The following CGNL1 variants were observed in gnomAD, a reference collection of about 807,000 sequenced individuals.
The protein encoded by CGNL1 is cingulin like 1.
CGNL1 carries 132 observed loss-of-function variants against 141.2 expected under a neutral mutation model. The observed-to-expected ratio is 0.93, with a 90% CI of 0.81 to 1.08. The LOEUF is 1.08. Ranked by LOEUF, CGNL1 falls within the 50% of genes least tolerant of loss-of-function variation. The pLI is 0.00. For missense variants in CGNL1, 1,870 were observed against 1,588.6 expected (o/e 1.18, Z -3.01); for synonymous variants, 690 against 622.1 (o/e 1.11, Z -1.63).
At position 57,439,525 on chromosome 15, in the gene CGNL1, G is replaced by C. The variant is rs763750155; in HGVS notation, c.1526G>C (p.Arg509Pro). The C allele has an allele frequency of 8.7e-6, 14 of 1,614,170 alleles. No homozygotes were observed. In the East Asian group the frequency reaches 1.1e-4, roughly 13 times the overall value. The change falls in exon 2 of 19, where the codon CGG becomes CCG. Residue 509 changes from arginine to proline, a missense_variant. Transcript: ENST00000281282. ...ACCGCTACGCTGATGTTACAGAACC[G>C]GGCAACAGCAACTTCGCCTGATTCT... is the stretch of plus-strand genomic sequence containing the variant. ...TATATLMLQN[R>P]ATATSPDSGA...
At position 57,426,880 on chromosome 15, in the gene CGNL1, G is replaced by T. The variant is rs6493929; in HGVS notation, c.-15-11105G>T. Reference sequence around the variant, plus strand: ...CCACATATAATTTGAGGCTAACAGAGCCATCTATATAGATCTGTGATGCCA... The same window carrying T: ...CCACATATAATTTGAGGCTAACAGATCCATCTATATAGATCTGTGATGCCA... On this transcript the variant is annotated intron_variant, in intron 1 of 18. Coordinates refer to ENST00000281282, the MANE Select transcript of CGNL1 (RefSeq NM_032866.5). Among the ~76,000 whole-genome samples, 3 of 152,120 alleles carry T rather than the reference G, an allele frequency of 2.0e-5. No individual in the cohort carries two copies. The East Asian group carries it at 5.8e-4, about 29-fold the overall frequency.
At chr15:57,466,734 A>G (rs2063515663) in intron 8 of CGNL1, among the ~76,000 whole-genome samples, 1 of 152,224 alleles carries the variant, frequency 6.6e-6, no homozygotes, top group Non-Finnish European at 1.5e-5. Flanking sequence ...ACCAACCATT[A>G]GACTGTTTTG....
chr15:57,435,668 A>G (rs1160748661), intron 1 of CGNL1, among the ~76,000 whole-genome samples: 1 of 152,110 alleles, frequency 6.6e-6, no homozygotes, highest in African/African-American at 2.4e-5. Context: ...TTGAGATTTA[A>G]AAGAATTATC....
chr15:57,437,949 C>T, intron 1 of CGNL1, 36 bp from the exon 2 acceptor site: 1 of 1,530,584 alleles, frequency 6.5e-7, no homozygotes, highest in Non-Finnish European at 8.8e-7. Context: ...TAATTCTAAC[C>T]TAATGTCCTC....
intron 13 of CGNL1, among the ~76,000 whole-genome samples, chr15:57,530,795 A>G (rs1487790236): frequency 6.6e-6 from 1 of 152,212 alleles, no homozygotes; most frequent in Non-Finnish European, 1.5e-5. Flanking sequence ...ATTGTGATAA[A>G]TAGAATAATA....
chr15:57,425,660 G>C (rs539046896), intron 1 of CGNL1, among the ~76,000 whole-genome samples: 1 of 149,530 alleles, frequency 6.7e-6, no homozygotes, highest in Non-Finnish European at 1.5e-5. Context: ...AGAATCGCTT[G>C]AACCTGGGAG....
At chr15:57,481,078 T>C (rs1166561097) in intron 8 of CGNL1, among the ~76,000 whole-genome samples, 2 of 151,164 alleles carry the variant, frequency 1.3e-5, no homozygotes, top group Non-Finnish European at 3.0e-5. Context: ...TTTTTTTTTT[T>C]TTTTTTTTAA....
chr15:57,509,275 A>G (rs189842182), intron 8 of CGNL1, among the ~76,000 whole-genome samples: 2 of 152,338 alleles, frequency 1.3e-5, no homozygotes, highest in East Asian at 3.9e-4. Flanking sequence ...AACTGACACC[A>G]ACATTCCATT....
intron 12 of CGNL1, among the ~76,000 whole-genome samples, chr15:57,528,295 A>G (rs1408011330): frequency 2.0e-5 from 3 of 152,156 alleles, no homozygotes; most frequent in Non-Finnish European, 2.9e-5. Flanking sequence ...CTTGCAACCC[A>G]GGAATACACG....
At chr15:57,530,743 G>T (rs566793928) in intron 13 of CGNL1, among the ~76,000 whole-genome samples, 30 of 152,144 alleles carry the variant, frequency 2.0e-4, no homozygotes, top group Non-Finnish European at 1.8e-4. Flanking sequence ...CCTGGGGGCC[G>T]TTCACAGACA....
rs750248059 is a variant in CGNL1 at position 57,516,992 on chromosome 15, G to T, written c.2610+6G>T. ...AAACGCTGAAGAAGTACGAGGTGAG[G>T]CTCGCTGGGCCCAGGCCCAGCTTTG... On this transcript the variant is annotated splice_donor_region_variant and intron_variant, in intron 9 of 18. Transcript: ENST00000281282. 1.9e-6 allele frequency: 3 copies of T among 1,610,708 alleles called. No homozygotes were observed. Among genetic ancestry groups the T allele is most frequent in the South Asian group, 1.1e-5 (1 of 90,632 alleles).
At chr15:57,400,693 G>A (rs112912590) in intron 1 of CGNL1, among the ~76,000 whole-genome samples, 3 of 151,926 alleles carry the variant, frequency 2.0e-5, no homozygotes, top group African/African-American at 4.8e-5. Flanking sequence ...GACCAGCCTG[G>A]CTAACCTGGT....
At chr15:57,392,241 A>G (rs1181791668) in intron 1 of CGNL1, among the ~76,000 whole-genome samples, 1 of 152,170 alleles carries the variant, frequency 6.6e-6, no homozygotes, top group African/African-American at 2.4e-5. Flanking sequence ...GGTGGGAGAT[A>G]TTAAAGAGAG....
At chr15:57,380,923 T>G (rs1271614727) in intron 1 of CGNL1, among the ~76,000 whole-genome samples, 1 of 152,082 alleles carries the variant, frequency 6.6e-6, no homozygotes, top group African/African-American at 2.4e-5. Context: ...TTGGAGCAAG[T>G]GGTTGGGTTT....
At chr15:57,541,307 G>T (rs2032551777) in intron 14 of CGNL1, among the ~76,000 whole-genome samples, 1 of 152,212 alleles carries the variant, frequency 6.6e-6, no homozygotes. Context: ...TGAACAGAAC[G>T]GCTGCCCCTG....
chr15:57,531,910 A>G, intron 14 of CGNL1, 131 bp downstream of exon 14: 1 of 633,596 alleles, frequency 1.6e-6, no homozygotes, highest in East Asian at 2.7e-5. Flanking sequence ...GGAAGATTGA[A>G]TAGTCATCAC....
At chr15:57,540,369 C>A (rs2140227722) in intron 14 of CGNL1, among the ~76,000 whole-genome samples, 1 of 152,260 alleles carries the variant, frequency 6.6e-6, no homozygotes, top group East Asian at 1.9e-4. Context: ...TGGCGGCAGG[C>A]AAAAGAGACC....
intron 1 of CGNL1, among the ~76,000 whole-genome samples, chr15:57,383,254 G>A (rs551353559): frequency 1.3e-5 from 2 of 150,806 alleles, no homozygotes; most frequent in East Asian, 3.9e-4. Flanking sequence ...CAAAGGGATT[G>A]CAGGGTGGAG....
intron 8 of CGNL1, among the ~76,000 whole-genome samples, chr15:57,467,807 A>C (rs8041409): frequency 0.026 from 3,847 of 148,994 alleles, 151 homozygotes; most frequent in African/African-American, 0.09. Context: ...CTTGTGCCTC[A>C]TCCTCCTGAG....
Sources: allele counts gnomAD v4.1 joint callset (sites outside exome capture counted in the v4.1 genomes callset), GRCh38; gene constraint gnomAD v4.1.1; transcripts MANE v1.5; gene names NCBI Gene and HGNC (gene_info 2026-07-23, HGNC 2026-07-21).